TMTC2: variants seen among roughly 807,000 people sequenced by gnomAD.
TMTC2 encodes protein O-mannosyl-transferase TMTC2.
In TMTC2, 43 loss-of-function variants were observed where a neutral mutation model predicts 82.4. The ratio of observed to expected loss-of-function variants is 0.52; its 90% CI spans 0.41 to 0.67. The LOEUF (loss-of-function observed/expected upper bound fraction) is 0.67. Among genes scored for constraint, TMTC2 ranks in the 30% least tolerant of loss-of-function variants. The pLI is 0.00. For synonymous variants in TMTC2, 408 were observed against 381.9 expected (o/e 1.07, Z -0.80); for missense variants, 919 against 1,012.4 (o/e 0.91, Z 1.25).
chr12:83,067,142 G>T (rs188689144), intron 11 of TMTC2, among the ~76,000 whole-genome samples: 4 of 151,894 alleles, frequency 2.6e-5, no homozygotes, highest in Non-Finnish European at 5.9e-5. Context: ...AAGTTAATGA[G>T]CAGGGAACCC....
rs140001868 is a variant in TMTC2, at chr12:82,909,402, C to T, written c.1483+12756C>T. ...TCGCCCAGGCTGGGGTATAGTGGTG[C>T]GATCTCGGATCACTGCAACCTCCAC... On this transcript the variant is annotated intron_variant, in intron 3 of 11. Coordinates refer to ENST00000321196, the MANE Select transcript of TMTC2 (RefSeq NM_152588.3). Among the ~76,000 whole-genome samples, 556 of 152,154 alleles carry T rather than the reference C, an allele frequency of 3.7e-3. 1 individual carries two copies. Among genetic ancestry groups the T allele is most frequent in the African/African-American group, 0.013 (541 of 41,514 alleles).
At chr12:82,893,889 TAGG>T (rs1258392154) in intron 2 of TMTC2, among the ~76,000 whole-genome samples, 1 of 152,056 alleles carries the variant, frequency 6.6e-6, no homozygotes, top group Non-Finnish European at 1.5e-5. Context: ...GGTCACCAGT[TAGG>T]AGGAGATTAT....
At chr12:83,107,501 G>A (rs1884449058) in intron 11 of TMTC2, among the ~76,000 whole-genome samples, 1 of 152,042 alleles carries the variant, frequency 6.6e-6, no homozygotes, top group Non-Finnish European at 1.5e-5. Context: ...TCCCCTCATG[G>A]GAGCCCCACC....
At chr12:82,940,140 C>T (rs375328374) in intron 4 of TMTC2, among the ~76,000 whole-genome samples, 2 of 151,178 alleles carry the variant, frequency 1.3e-5, no homozygotes, top group South Asian at 4.2e-4. Flanking sequence ...GCCTCAGCCT[C>T]CGGAGTAGCT....
intron 8 of TMTC2, among the ~76,000 whole-genome samples, chr12:83,012,605 G>T (rs1156681679): frequency 6.6e-6 from 1 of 152,070 alleles, no homozygotes; most frequent in Non-Finnish European, 1.5e-5. Context: ...GGGAATATAG[G>T]CATGAAAAAA....
intron 4 of TMTC2, among the ~76,000 whole-genome samples, chr12:82,948,413 A>G (rs532763142): frequency 3.1e-4 from 47 of 152,088 alleles, no homozygotes; most frequent in Non-Finnish European, 4.4e-4. Context: ...TTTTTCTTCT[A>G]ATTCTGAAGT....
At chr12:82,948,373 C>CA (rs5799599) in intron 4 of TMTC2, among the ~76,000 whole-genome samples, 4,848 of 81,374 alleles carry the variant, frequency 0.06, 252 homozygotes, top group African/African-American at 0.13. Context: ...TTAATTTAAA[C>CA]AAAAAAAAAA....
At chr12:82,967,408 A>C (rs1029340634) in intron 7 of TMTC2, among the ~76,000 whole-genome samples, 1 of 152,112 alleles carries the variant, frequency 6.6e-6, no homozygotes, top group Admixed American at 6.5e-5. Context: ...AGTAATATTA[A>C]TAATAAAAAC....
chr12:82,697,039 T>C (rs1414406915), intron 1 of TMTC2, among the ~76,000 whole-genome samples: 1 of 150,852 alleles, frequency 6.6e-6, no homozygotes, highest in African/African-American at 2.4e-5. Context: ...GAAACACATA[T>C]GGACTTGTTA....
At chr12:82,872,283 T>C (rs1872239983) in intron 2 of TMTC2, among the ~76,000 whole-genome samples, 1 of 152,170 alleles carries the variant, frequency 6.6e-6, no homozygotes, top group African/African-American at 2.4e-5. Context: ...ATTTCAACTG[T>C]GGCCTTGCGC....
chr12:82,849,841 GA>G (rs1408553840), intron 1 of TMTC2, among the ~76,000 whole-genome samples: 1 of 152,032 alleles, frequency 6.6e-6, no homozygotes, highest in Non-Finnish European at 1.5e-5. Flanking sequence ...TTATCTCCTT[GA>G]TTTTGGTTCT....
rs12301763 is a variant in TMTC2, at chr12:83,060,330, T to C, written c.2268-1438T>C. Among the ~76,000 whole-genome samples the C allele has an allele frequency of 5.2e-3, 783 of 151,866 alleles. 3 individuals are homozygous for C. Among genetic ancestry groups the C allele is most frequent in the African/African-American group, 0.018 (748 of 41,496 alleles). ...TCAGTTATTTCCATAATTTATATGG[T>C]TGCATGGGGTATGTTTTTATAGTTT... On this transcript the variant is annotated intron_variant, in intron 10 of 11. Coordinates refer to ENST00000321196, the MANE Select transcript of TMTC2 (RefSeq NM_152588.3).
chr12:82,703,949 T>A lies in TMTC2; in HGVS notation c.83+16280T>A, dbSNP rs572985706. Among the ~76,000 whole-genome samples, 71 of 152,260 alleles carry A rather than the reference T, an allele frequency of 4.7e-4. 1 individual carries two copies. The highest frequency in any genetic ancestry group is 7.3e-4 in the Non-Finnish European group (50 of 68,050). On this transcript the variant is annotated intron_variant, in intron 1 of 11. Coordinates refer to ENST00000321196, the MANE Select transcript of TMTC2 (RefSeq NM_152588.3). ...GCCTCTAGGATATATTTTGATTATG[T>A]GCTGAATTTTTGGCATGTGTTATAA...
Position 83,132,362 on chromosome 12 carries a change from A to G in TMTC2, c.2484A>G (p.Lys828=). Residue 828 remains lysine (K), a synonymous_variant, in exon 12 of 12, where the codon AAA becomes AAG. Transcript: ENST00000321196. ...NLRKLWNIME[K]QGLKTSKT The stretch of plus-strand genomic sequence containing the variant: ...GCAAACTGTGGAACATCATGGAAAA[A>G]CAAGGCTTAAAGACTTCTAAGACCT... The G allele has an allele frequency of 1.9e-6, 3 of 1,614,076 alleles. No homozygotes were observed. The highest frequency in any genetic ancestry group is 2.7e-5 in the African/African-American group (2 of 75,032).
chr12:82,974,135 G>A lies in TMTC2; in HGVS notation c.1948+7138G>A, dbSNP rs546269642. Among the ~76,000 whole-genome samples, 449 of 152,254 alleles carry A rather than the reference G, an allele frequency of 2.9e-3. 2 individuals are homozygous for A. Among genetic ancestry groups the A allele is most frequent in the Non-Finnish European group, 5.5e-3 (371 of 68,022 alleles). Reference sequence around the variant, plus strand: ...TGTAATCCCAGCACCATGGGAGGCTGAGGTGAGAGGATTGCTTGAGCCCAG... The same window carrying A: ...TGTAATCCCAGCACCATGGGAGGCTAAGGTGAGAGGATTGCTTGAGCCCAG... On this transcript the variant is annotated intron_variant, in intron 7 of 11. Transcript: ENST00000321196.
Position 82,985,976 on chromosome 12 carries a change from T to G in TMTC2, c.2000T>G (p.Met667Arg), listed in dbSNP as rs2137337983. 1.9e-6 allele frequency: 3 copies of G among 1,614,056 alleles called. No homozygotes were observed. The South Asian group carries it at 3.3e-5, about 18-fold the overall frequency. ...SKLPEAEHWY[M>R]ESLRSKTDHI... ...CTCCCCGAAGCAGAGCATTGGTATA[T>G]GGAATCACTGAGATCCAAGACTGAC... The change falls in exon 8 of 12, where the codon ATG (methionine) becomes AGG (arginine). Residue 667 changes from methionine (M) to arginine (R), a missense_variant. By Grantham distance (91) the Met-to-Arg change is moderately conservative. Coordinates refer to ENST00000321196, the MANE Select transcript of TMTC2 (RefSeq NM_152588.3).
At chr12:82,720,916 A>T (rs369048622) in intron 1 of TMTC2, among the ~76,000 whole-genome samples, 1 of 152,172 alleles carries the variant, frequency 6.6e-6, no homozygotes, top group Non-Finnish European at 1.5e-5. Flanking sequence ...TTGAAAAAAC[A>T]TTTTATTTGG....
At chr12:82,920,845 A>G (rs926381561) in intron 3 of TMTC2, among the ~76,000 whole-genome samples, 1 of 152,172 alleles carries the variant, frequency 6.6e-6, no homozygotes, top group African/African-American at 2.4e-5. Flanking sequence ...TCTTCAGGGC[A>G]CTAAGAAGAA....
chr12:82,997,412 GTATATA>G (rs201322827), intron 8 of TMTC2, among the ~76,000 whole-genome samples: 60 of 35,076 alleles, frequency 1.7e-3, no homozygotes, highest in South Asian at 6.7e-3. Context: ...ATATATATGT[GTATATA>G]TATATATATA....
Sources: allele counts gnomAD v4.1 joint callset (sites outside exome capture counted in the v4.1 genomes callset), GRCh38; gene constraint gnomAD v4.1.1; transcripts MANE v1.5; gene names NCBI Gene and HGNC (gene_info 2026-07-23, HGNC 2026-07-21).